The following SAMSN1 variants were observed in gnomAD, a reference collection of about 807,000 sequenced individuals.
The protein encoded by SAMSN1 is SAM domain, SH3 domain and nuclear localization signals 1.
In SAMSN1, 31 loss-of-function variants were observed where a neutral mutation model predicts 42.0. The ratio of observed to expected loss-of-function variants is 0.74; its 90% CI spans 0.55 to 1.00. The LOEUF is 1.00. SAMSN1 is among the 50% of genes least tolerant of loss of function. SAMSN1 has a pLI of 0.00. For missense variants in SAMSN1, 464 were observed against 439.4 expected (o/e 1.06, Z -0.50); for synonymous variants, 178 against 151.9 (o/e 1.17, Z -1.26).
intron 1 of SAMSN1, among the ~76,000 whole-genome samples, chr21:14,653,242 C>T (rs746815715): frequency 1.3e-5 from 2 of 151,914 alleles, no homozygotes; most frequent in Non-Finnish European, 2.9e-5. Flanking sequence ...TGGACACAAC[C>T]TAAGTGTCTA....
chr21:14,592,581 C>T (rs1186567804), intron 7 of SAMSN1: 1 of 335,280 alleles, frequency 3.0e-6, no homozygotes, highest in Non-Finnish European at 6.4e-6. Context: ...CTCAAATATC[C>T]TTGGGGACAT....
Position 14,486,122 on chromosome 21 carries a change from TG to T in SAMSN1, c.920-9del. The T allele has an allele frequency of 6.2e-7, 1 of 1,607,200 alleles. No homozygotes were observed. The highest frequency in any genetic ancestry group is 8.5e-7 in the Non-Finnish European group (1 of 1,175,340). On this transcript the variant is annotated splice_polypyrimidine_tract_variant and intron_variant, in intron 7 of 7. Coordinates refer to ENST00000400566, the MANE Select transcript of SAMSN1 (RefSeq NM_022136.5). Reference sequence around the variant, plus strand: ...TTTCTTGCTCTTGAATAACTGTAAATGGAAAAAAAGGGCAGGAGTTAGGTAA... The same window carrying T: ...TTTCTTGCTCTTGAATAACTGTAAATGAAAAAAAGGGCAGGAGTTAGGTAA...
intron 7 of SAMSN1, among the ~76,000 whole-genome samples, chr21:14,492,578 T>G (rs1414954508): frequency 6.6e-6 from 1 of 152,216 alleles, no homozygotes; most frequent in East Asian, 1.9e-4. Context: ...CAGTGCAATA[T>G]AAACACAGGT....
chr21:14,503,645 C>G (rs1349742004), intron 5 of SAMSN1, among the ~76,000 whole-genome samples: 1 of 152,136 alleles, frequency 6.6e-6, no homozygotes, highest in African/African-American at 2.4e-5. Context: ...AGAAAGGTCT[C>G]TGGTTACTCA....
chr21:14,510,165 G>A (rs73344153), intron 5 of SAMSN1, 145 bp downstream of exon 5: 1 of 729,070 alleles, frequency 1.4e-6, no homozygotes, highest in African/African-American at 1.9e-5. Context: ...AAGAAAAAAA[G>A]TCTTAGTACT....
intron 2 of SAMSN1, among the ~76,000 whole-genome samples, chr21:14,564,074 T>C (rs1981029671): frequency 6.6e-6 from 1 of 152,156 alleles, no homozygotes; most frequent in South Asian, 2.1e-4. Context: ...GGTAAATACA[T>C]TCGTTTTTTA....
chr21:14,486,768 G>C (rs145434226), intron 7 of SAMSN1, among the ~76,000 whole-genome samples: 1,712 of 152,206 alleles, frequency 0.011, 16 homozygotes, highest in Non-Finnish European at 0.016. Flanking sequence ...TGAATATTTA[G>C]TCTTCCATAT....
intron 7 of SAMSN1, among the ~76,000 whole-genome samples, chr21:14,488,207 G>A (rs145870602): frequency 8.3e-4 from 126 of 152,286 alleles, no homozygotes; most frequent in African/African-American, 3.0e-3. Context: ...CCTATTTGGA[G>A]TGTGAACCTC....
exon 1 of SAMSN1, chr21:14,658,810 A>G: frequency 1.4e-6 from 1 of 715,140 alleles, no homozygotes; most frequent in Non-Finnish European, 2.6e-6. Flanking sequence ...TGCTTTGAAA[A>G]ATATGATTGC....
chr21:14,497,405 G>T (rs985620245), intron 7 of SAMSN1, among the ~76,000 whole-genome samples: 2 of 152,236 alleles, frequency 1.3e-5, no homozygotes, highest in Middle Eastern at 3.4e-3. Flanking sequence ...GACCAGGCTG[G>T]CCAATATGGT....
At chr21:14,506,962 A>T (rs923888144) in intron 5 of SAMSN1, among the ~76,000 whole-genome samples, 2 of 152,224 alleles carry the variant, frequency 1.3e-5, no homozygotes, top group Non-Finnish European at 2.9e-5. Flanking sequence ...ATCTCAATAG[A>T]TGCAGAAAAA....
intron 2 of SAMSN1, among the ~76,000 whole-genome samples, chr21:14,578,045 A>T (rs1981564305): frequency 6.6e-6 from 1 of 152,216 alleles, no homozygotes; most frequent in Non-Finnish European, 1.5e-5. Flanking sequence ...AACGGAATAA[A>T]ATGTTCCAAT....
At chr21:14,524,101 A>G (rs2822727) in intron 1 of SAMSN1, among the ~76,000 whole-genome samples, 42,632 of 152,082 alleles carry the variant, frequency 0.28, 6,717 homozygotes, top group Non-Finnish European at 0.35. Flanking sequence ...TGGTTTTATG[A>G]TGTATAGATT....
intron 2 of SAMSN1, among the ~76,000 whole-genome samples, chr21:14,566,424 C>CA (rs1251826270): frequency 6.6e-6 from 1 of 152,112 alleles, no homozygotes; most frequent in African/African-American, 2.4e-5. Context: ...GTATCTCTTG[C>CA]ATCATATAAG....
At chr21:14,543,482 G>A (rs1276563682) in intron 1 of SAMSN1, among the ~76,000 whole-genome samples, 1 of 152,080 alleles carries the variant, frequency 6.6e-6, no homozygotes, top group East Asian at 1.9e-4. Context: ...TTTGATATAG[G>A]ACTGAAAATC....
chr21:14,613,352 A>G (rs1293800805), intron 3 of SAMSN1, among the ~76,000 whole-genome samples: 1 of 152,216 alleles, frequency 6.6e-6, no homozygotes, highest in Non-Finnish European at 1.5e-5. Context: ...TGAAAGGCTG[A>G]TGGGCAACTT....
At chr21:14,607,698 T>C (rs1982601760) in intron 5 of SAMSN1, among the ~76,000 whole-genome samples, 1 of 152,216 alleles carries the variant, frequency 6.6e-6, no homozygotes, top group Non-Finnish European at 1.5e-5. Context: ...TTTTTCAGTG[T>C]AGCTATAATA....
chr21:14,591,129 G>A (rs456739), intron 7 of SAMSN1, among the ~76,000 whole-genome samples: 122,998 of 152,144 alleles, frequency 0.81, 50,410 homozygotes, highest in African/African-American at 0.92. Flanking sequence ...TTAGATATTC[G>A]TATATCATTA....
intron 7 of SAMSN1, among the ~76,000 whole-genome samples, chr21:14,491,402 C>T (rs1462479258): frequency 1.3e-5 from 2 of 152,122 alleles, no homozygotes; most frequent in Non-Finnish European, 2.9e-5. Flanking sequence ...GCCACCATGC[C>T]TAGTCTGACT....
Sources: allele counts gnomAD v4.1 joint callset (sites outside exome capture counted in the v4.1 genomes callset), GRCh38; gene constraint gnomAD v4.1.1; transcripts MANE v1.5; gene names NCBI Gene and HGNC (gene_info 2026-07-23, HGNC 2026-07-21).